The following ZNF274 variants were observed in gnomAD, a reference collection of about 807,000 sequenced individuals.
The protein encoded by ZNF274 is neurotrophin receptor-interacting factor homolog.
In ZNF274, 23 loss-of-function variants were observed where a neutral mutation model predicts 42.5. The observed-to-expected ratio is 0.54, with a 90% confidence interval of 0.39 to 0.77. The LOEUF (loss-of-function observed/expected upper bound fraction) is 0.77, where lower values mean the gene tolerates loss of function less well. Ranked by LOEUF, ZNF274 falls within the 30% of genes least tolerant of loss-of-function variation. The pLI, the probability that ZNF274 is intolerant of heterozygous loss-of-function variation, is 0.00. For missense variants in ZNF274, 679 were observed against 806.5 expected, an observed-to-expected ratio of 0.84 and a Z score of 1.91; for synonymous variants, 292 against 305.4, an observed-to-expected ratio of 0.96 and a Z score of 0.46.
intron 4 of ZNF274, among the ~76,000 whole-genome samples, chr19:58,188,672 G>GTATATATA: frequency 1.1e-5 from 1 of 92,154 alleles, no homozygotes; most frequent in African/African-American, 4.8e-5. Context: ...GTGTGTGTGT[G>GTATATATA]TGTGTATATA....
chr19:58,183,892 C>T (rs1206642405), intron 1 of ZNF274, 29 bp from the exon 2 acceptor site: 5 of 1,498,714 alleles, frequency 3.3e-6, no homozygotes, highest in Non-Finnish European at 4.5e-6. Context: ...TTAAGCCTCT[C>T]CCTCCCCTCC....
At chr19:58,183,844 T>TC in intron 1 of ZNF274, 77 bp from the exon 2 acceptor site, 1 of 1,009,544 alleles carries the variant, frequency 9.9e-7, no homozygotes, top group East Asian at 2.6e-5. Context: ...AGGGAGCCGT[T>TC]CCTGGGCGGA....
chr19:58,199,069 A>G (rs1035570145), intron 4 of ZNF274, among the ~76,000 whole-genome samples: 4 of 152,044 alleles, frequency 2.6e-5, no homozygotes, highest in Admixed American at 1.3e-4. Flanking sequence ...AAATACTATT[A>G]AAATGATACT....
At chr19:58,194,253 T>C (rs1311109708) in intron 4 of ZNF274, among the ~76,000 whole-genome samples, 5 of 152,088 alleles carry the variant, frequency 3.3e-5, no homozygotes, top group Admixed American at 6.6e-5. Context: ...AGAACAATTA[T>C]TTCTGAGTTT....
chr19:58,186,518 T>A (rs1051360263), intron 3 of ZNF274, among the ~76,000 whole-genome samples: 1 of 119,420 alleles, frequency 8.4e-6, no homozygotes, highest in African/African-American at 3.5e-5. Flanking sequence ...CTTGGGCAAC[T>A]GAGCAAGACT....
At position 58,213,452 on chromosome 19, in the gene ZNF274, T is replaced by C. The variant is rs1036082232; in HGVS notation, c.*309T>C. 3.4e-6 allele frequency: 1 copy of C among 295,586 alleles called. No individual in the cohort carries two copies. The highest frequency in any genetic ancestry group is 6.3e-6 in the Non-Finnish European group (1 of 158,370). 18.3% of individuals were successfully genotyped at this position (295,586 alleles called of 1,614,324 possible). On this transcript the variant is annotated 3_prime_UTR_variant, in exon 8 of 8. Transcript: ENST00000617501. ...TATATAATAACTTTAAAAAGCCAGG[T>C]AATTAATAATCTGCACTGATATTAC...
chr19:58,213,396 T>A lies in ZNF274; in HGVS notation c.*253T>A. The A allele has an allele frequency of 2.4e-6, 1 of 423,618 alleles. No homozygotes were observed. 26.2% of individuals were successfully genotyped at this position (423,618 alleles called of 1,614,324 possible). The stretch of plus-strand genomic sequence containing the variant: ...ATTGTTTGTTCACTCATTTAGTCAT[T>A]AAAAGTGAGATTAATAAAATCTGAA... On this transcript the variant is annotated 3_prime_UTR_variant, in exon 8 of 8. Transcript: ENST00000617501.
At chr19:58,202,484 G>T (rs1052069482) in intron 4 of ZNF274, 4 of 152,222 alleles carry the variant, frequency 2.6e-5, no homozygotes, top group African/African-American at 9.6e-5. Context: ...CAGTGAATTT[G>T]TTTCACAACC....
At chr19:58,189,419 T>C (rs948108050) in intron 4 of ZNF274, among the ~76,000 whole-genome samples, 15 of 152,168 alleles carry the variant, frequency 9.9e-5, no homozygotes, top group Non-Finnish European at 2.2e-4. Context: ...ATTTTTTTCT[T>C]TTTAGTTCAG....
At position 58,213,385 on chromosome 19, in the gene ZNF274, CATTT is replaced by C. The variant is rs1409538440; in HGVS notation, c.*244_*247del. ...ATTCACTTGATATTGTTTGTTCACTCATTTAGTCATTAAAAGTGAGATTAATAAA... is the reference window on the plus strand; with the variant it reads ...ATTCACTTGATATTGTTTGTTCACTCAGTCATTAAAAGTGAGATTAATAAA... On this transcript the variant is annotated 3_prime_UTR_variant, in exon 8 of 8. Transcript: ENST00000617501. The C allele has an allele frequency of 2.5e-5, 11 of 447,076 alleles. No homozygotes were observed. Among genetic ancestry groups the C allele is most frequent in the Non-Finnish European group, 3.9e-5 (10 of 258,338 alleles). 27.7% of individuals were successfully genotyped at this position (447,076 alleles called of 1,614,324 possible).
chr19:58,203,025 G>GA (rs2075932790), intron 4 of ZNF274, among the ~76,000 whole-genome samples: 1 of 152,114 alleles, frequency 6.6e-6, no homozygotes, highest in Non-Finnish European at 1.5e-5. Context: ...GTTTTCCTAG[G>GA]GGCCAAGGCA....
intron 4 of ZNF274, among the ~76,000 whole-genome samples, chr19:58,190,635 T>C (rs1052181593): frequency 4.6e-5 from 7 of 152,238 alleles, no homozygotes; most frequent in African/African-American, 7.2e-5. Flanking sequence ...ATAATAGATG[T>C]AGAAGTTTTG....
Position 58,210,062 on chromosome 19 carries a change from G to A in ZNF274, c.841G>A (p.Val281Met), listed in dbSNP as rs1207404079. 1.2e-5 allele frequency: 19 copies of A among 1,613,550 alleles called. No homozygotes were observed. The highest frequency in any genetic ancestry group is 2.7e-5 in the African/African-American group (2 of 75,040). ...QEDAAICPVT[V>M]LPEEPVTFQD... ...GGATGCAGCCATCTGCCCAGTGACA[G>A]TGCTCCCTGAGGTAAGCGGGGAGTA... Residue 281 changes from valine to methionine, a missense_variant, in exon 6 of 8, where the codon GTG becomes ATG. By Grantham distance (21) the Val-to-Met change is conservative. This residue lies in a region of ZNF274 where 456 missense variants were observed against 590.1 expected (regional missense o/e 0.77). Coordinates refer to ENST00000617501, the MANE Select transcript of ZNF274 (RefSeq NM_133502.3).
intron 4 of ZNF274, among the ~76,000 whole-genome samples, chr19:58,204,220 T>C (rs2075952548): frequency 6.6e-6 from 1 of 151,856 alleles, no homozygotes; most frequent in Admixed American, 6.6e-5. Context: ...CGTTGCCCCA[T>C]GTAGGCCCAG....
At chr19:58,186,350 T>C (rs2075698630) in intron 3 of ZNF274, among the ~76,000 whole-genome samples, 1 of 151,662 alleles carries the variant, frequency 6.6e-6, no homozygotes, top group Admixed American at 6.6e-5. Context: ...TCAGGAGTTC[T>C]AGACCAACCT....
In ZNF274 at chr19:58,211,404, G is replaced by C. The variant is rs1053962295; in HGVS notation, c.853-156G>C. On this transcript the variant is annotated intron_variant, in intron 6 of 7. Coordinates refer to ENST00000617501, the MANE Select transcript of ZNF274 (RefSeq NM_133502.3). The surrounding 1 kb of genome is among the most constrained non-coding windows in gnomAD (Gnocchi z 4.8). The stretch of plus-strand genomic sequence containing the variant: ...CTGGTTTGGACCCAGTAGAACTCTT[G>C]TGGGCCCTGGGTTGGTGTCTCTGAG... The C allele has an allele frequency of 1.1e-6, 1 of 928,974 alleles. No homozygotes were observed. Among genetic ancestry groups the C allele is most frequent in the Non-Finnish European group, 1.5e-6 (1 of 648,484 alleles). 57.5% of individuals were successfully genotyped at this position (928,974 alleles called of 1,614,324 possible).
At position 58,205,572 on chromosome 19, in the gene ZNF274, C is replaced by A. The variant is rs138422813; in HGVS notation, c.257-1148C>A. 1.1e-3 allele frequency among the ~76,000 whole-genome samples: 163 copies of A among 152,272 alleles called. No individual in the cohort carries two copies. The South Asian group carries it at 0.012, about 11-fold the overall frequency. On this transcript the variant is annotated intron_variant, in intron 4 of 7. Transcript: ENST00000617501. ...CTGGTCTCAAGCTCCTGGCGTGAAG[C>A]GAATCTCCTGCCTCAGCCTCCCAAA... is the stretch of plus-strand genomic sequence containing the variant.
Position 58,195,810 on chromosome 19 carries a change from A to T in ZNF274, c.256+8768A>T, listed in dbSNP as rs976504259. Among the ~76,000 whole-genome samples, 9 of 152,160 alleles carry T rather than the reference A, an allele frequency of 5.9e-5. 1 individual carries two copies. Among genetic ancestry groups the T allele is most frequent in the Admixed American group, 4.6e-4 (7 of 15,268 alleles). ...AAGGAACATGCAGCCTAGATCCCTC[A>T]TGCACAGTTTACAATAGGGTTCATG... On this transcript the variant is annotated intron_variant, in intron 4 of 7. Coordinates refer to ENST00000617501, the MANE Select transcript of ZNF274 (RefSeq NM_133502.3).
rs778769878 is a variant in ZNF274 at position 58,213,140 on chromosome 19, A to G, written c.1959A>G (p.Ser653=). 1 of 1,606,036 alleles carries G rather than the reference A, an allele frequency of 6.2e-7. No homozygotes were observed. Among genetic ancestry groups the G allele is most frequent in the Non-Finnish European group, 8.5e-7 (1 of 1,175,078 alleles). ...AGCGAAAGAAGAAACAGCCTACCTC[A>G]TAGCTCTCAAGCCAGTTGAAGAAAC... ...RTKRKKKQPT[S] is the part of the protein sequence containing the mutation. Residue 653 remains serine, a synonymous_variant, in exon 8 of 8, where the codon TCA becomes TCG. Coordinates refer to ENST00000617501, the MANE Select transcript of ZNF274 (RefSeq NM_133502.3).
Sources: allele counts gnomAD v4.1 joint callset (sites outside exome capture counted in the v4.1 genomes callset), GRCh38; gene constraint gnomAD v4.1.1; regional missense constraint gnomAD v4.1.1; non-coding constraint Gnocchi (gnomAD v3.1); transcripts MANE v1.5; gene names NCBI Gene and HGNC (gene_info 2026-07-23, HGNC 2026-07-21).